TTBK2: variants seen among roughly 807,000 people sequenced by gnomAD.
TTBK2 encodes tau-tubulin kinase 2.
A neutral mutation model predicts 110.8 loss-of-function variants in TTBK2; 28 were observed. That is an observed-to-expected ratio of 0.25 (90% CI 0.19 to 0.35). TTBK2 has a LOEUF of 0.35. Among genes scored for constraint, TTBK2 ranks in the 10% least tolerant of loss-of-function variants. The probability of loss-of-function intolerance (pLI) is 1.00; values close to 1 mark genes in which losing one functional copy is unlikely to be tolerated. For missense variants in TTBK2, 1,369 were observed against 1,500.3 expected, an observed-to-expected ratio of 0.91 and a Z score of 1.45; for synonymous variants, 532 against 527.3, an observed-to-expected ratio of 1.01 and a Z score of -0.12.
intron 1 of TTBK2, among the ~76,000 whole-genome samples, chr15:42,889,574 C>T (rs1053505798): frequency 3.3e-5 from 5 of 152,178 alleles, no homozygotes; most frequent in South Asian, 2.1e-4. Context: ...CAAGTAATTA[C>T]GCTAAACCCC....
chr15:42,851,787 T>C (rs542163024), intron 3 of TTBK2, among the ~76,000 whole-genome samples: 24 of 152,220 alleles, frequency 1.6e-4, no homozygotes, highest in African/African-American at 5.5e-4. Flanking sequence ...CCGGTAACAG[T>C]AGATAACAGT....
At chr15:42,831,287 G>C (rs1186900654) in intron 4 of TTBK2, among the ~76,000 whole-genome samples, 2 of 151,970 alleles carry the variant, frequency 1.3e-5, no homozygotes, top group African/African-American at 4.8e-5. Flanking sequence ...GATCAGGCTG[G>C]TCTCAAACTC....
Position 42,878,597 on chromosome 15 carries a change from C to A in TTBK2, c.21G>T (p.Gln7His), listed in dbSNP as rs1894916743. Residue 7 changes from glutamine to histidine, a missense_variant, in exon 2 of 15, where the codon CAG (glutamine) becomes CAT (histidine). Coordinates refer to ENST00000267890, the MANE Select transcript of TTBK2 (RefSeq NM_173500.4). ...GGATTCCAACACTCAGGATATCCAGCTGCTCTCCTCCCCCACTCATTGCAA... is the reference window on the plus strand; with the variant it reads ...GGATTCCAACACTCAGGATATCCAGATGCTCTCCTCCCCCACTCATTGCAA... MSGGGE[Q>H]LDILSVGILV... 4 of 1,613,884 alleles carry A rather than the reference C, an allele frequency of 2.5e-6. No homozygotes were observed. Among genetic ancestry groups the A allele is most frequent in the South Asian group, 1.1e-5 (1 of 91,076 alleles).
rs1555427628 is a variant in TTBK2 at position 42,815,958 on chromosome 15, A to AATATATATATATAT, written c.603+1060_603+1073dup. ...TATATATATATATATTTAAAAAAAA[A>AATATATATATATAT]ATATATATATATATATATATTTGAG... On this transcript the variant is annotated intron_variant, in intron 7 of 14. Coordinates refer to ENST00000267890, the MANE Select transcript of TTBK2 (RefSeq NM_173500.4). Among the ~76,000 whole-genome samples the AATATATATATATAT allele has an allele frequency of 5.3e-3, 486 of 91,670 alleles. 17 individuals carry two copies. Among genetic ancestry groups the AATATATATATATAT allele is most frequent in the South Asian group, 0.013 (37 of 2,902 alleles). 60.1% of individuals were successfully genotyped at this position (91,670 alleles called of 152,430 possible).
At chr15:42,769,252 T>C (rs933262841) in intron 13 of TTBK2, among the ~76,000 whole-genome samples, 10 of 152,112 alleles carry the variant, frequency 6.6e-5, no homozygotes, top group African/African-American at 1.9e-4. Flanking sequence ...AAAGCCAAAA[T>C]TGACAAATGG....
chr15:42,913,222 A>AAGAAGAG (rs1156389506), intron 1 of TTBK2, among the ~76,000 whole-genome samples: 1 of 152,116 alleles, frequency 6.6e-6, no homozygotes, highest in East Asian at 1.9e-4. Context: ...CTGATGGCAA[A>AAGAAGAG]AGAAGAGAAG....
At chr15:42,815,956 A>ATATATATAT (rs1256399173) in intron 7 of TTBK2, among the ~76,000 whole-genome samples, 6 of 63,950 alleles carry the variant, frequency 9.4e-5, no homozygotes, top group East Asian at 4.5e-4. Flanking sequence ...ATTTAAAAAA[A>ATATATATAT]AAATATATAT....
chr15:42,833,115 G>C (rs773314515), intron 4 of TTBK2, among the ~76,000 whole-genome samples: 2 of 151,236 alleles, frequency 1.3e-5, no homozygotes, highest in Non-Finnish European at 2.9e-5. Context: ...TAATACCTGG[G>C]TGATGTAATA....
intron 6 of TTBK2, among the ~76,000 whole-genome samples, chr15:42,819,661 T>C (rs746138973): frequency 9.8e-5 from 15 of 152,288 alleles, no homozygotes; most frequent in Non-Finnish European, 2.2e-4. Context: ...TCTCAATATT[T>C]TCCTAAGACA....
At chr15:42,763,109 T>C (rs2062058595) in intron 13 of TTBK2, among the ~76,000 whole-genome samples, 1 of 118,562 alleles carries the variant, frequency 8.4e-6, no homozygotes, top group South Asian at 2.6e-4. Context: ...TATACGTATA[T>C]ATATATATAC....
chr15:42,828,568 C>T (rs1207014409), intron 5 of TTBK2, among the ~76,000 whole-genome samples: 3 of 149,014 alleles, frequency 2.0e-5, no homozygotes, highest in Non-Finnish European at 4.5e-5. Context: ...AAAAAAAATA[C>T]AAAAATTAAC....
chr15:42,815,949 T>TA (rs375184494), intron 7 of TTBK2, among the ~76,000 whole-genome samples: 13,174 of 37,056 alleles, frequency 0.36, 1,379 homozygotes, highest in Admixed American at 0.42. Flanking sequence ...TATATATATT[T>TA]AAAAAAAAAA....
rs2140809349 is a variant in TTBK2 at position 42,783,566 on chromosome 15, T to C, written c.1050A>G (p.Glu350=). Residue 350 remains glutamate, a synonymous_variant, in exon 11 of 15, where the codon GAA becomes GAG. Transcript: ENST00000267890. ...TGCCATTTTCTCCATCGCTAAGCTG[T>C]TCATCTGGAAATACCTCATCTGTAT... The part of the protein sequence containing the change: ...RENTDEVFPD[E]QLSDGENGIP... 6.2e-7 allele frequency: 1 copy of C among 1,614,154 alleles called. No homozygotes were observed.
At chr15:42,869,184 C>A (rs191356047) in intron 3 of TTBK2, among the ~76,000 whole-genome samples, 37 of 152,128 alleles carry the variant, frequency 2.4e-4, no homozygotes, top group African/African-American at 8.7e-4. Context: ...GCCTTCTGGG[C>A]TCAAGCGATT....
intron 1 of TTBK2, among the ~76,000 whole-genome samples, chr15:42,915,070 G>A (rs928851438): frequency 2.0e-5 from 3 of 152,246 alleles, no homozygotes; most frequent in Non-Finnish European, 4.4e-5. Context: ...CTGTTACACA[G>A]TAATCCCCCT....
At chr15:42,770,621 T>C (rs1430752485) in intron 13 of TTBK2, among the ~76,000 whole-genome samples, 2 of 152,082 alleles carry the variant, frequency 1.3e-5, no homozygotes, top group African/African-American at 4.8e-5. Context: ...CAAATACAAT[T>C]ACAAAAAAAC....
Position 42,797,031 on chromosome 15 carries a change from T to C in TTBK2, c.823-2230A>G, listed in dbSNP as rs545598868. ...TCCAAATGTCAGAGGTAGAGGGCCG[T>C]AGAAAACACAAAGGAGGAAATAAAG... On this transcript the variant is annotated intron_variant, in intron 9 of 14. Transcript: ENST00000267890. Among the ~76,000 whole-genome samples, 178 of 152,308 alleles carry C rather than the reference T, an allele frequency of 1.2e-3. 1 individual carries two copies. Among genetic ancestry groups the C allele is most frequent in the African/African-American group, 4.0e-3 (166 of 41,564 alleles).
intron 1 of TTBK2, among the ~76,000 whole-genome samples, chr15:42,880,133 A>T (rs974267346): frequency 1.3e-5 from 2 of 152,222 alleles, no homozygotes; most frequent in Admixed American, 6.5e-5. Context: ...GATTAAAAAA[A>T]AGTTCTAAAC....
At chr15:42,862,682 A>G (rs1323138864) in intron 3 of TTBK2, among the ~76,000 whole-genome samples, 1 of 152,164 alleles carries the variant, frequency 6.6e-6, no homozygotes, top group African/African-American at 2.4e-5. Flanking sequence ...TGAAGTCGGG[A>G]GTTCCAGATC....
Sources: gnomAD v4.1 joint callset for allele counts (sites outside exome capture counted in the v4.1 genomes callset) on GRCh38, gnomAD v4.1.1 for gene constraint, MANE v1.5 for transcripts, NCBI Gene and HGNC (gene_info 2026-07-23, HGNC 2026-07-21) for gene names.